PARD3: variants seen among roughly 807,000 people sequenced by gnomAD.
PARD3 encodes the protein par-3 family cell polarity regulator.
A neutral mutation model predicts 155.4 loss-of-function variants in PARD3; 75 were observed. The observed-to-expected ratio is 0.48, with a 90% confidence interval of 0.40 to 0.58. PARD3 has a LOEUF of 0.58. Ranked by LOEUF, PARD3 falls within the 20% of genes least tolerant of loss-of-function variation. PARD3 has a pLI of 0.00. For missense variants in PARD3, 1,642 were observed against 1,721.7 expected, an observed-to-expected ratio of 0.95 and a Z score of 0.82; for synonymous variants, 576 against 610.5, an observed-to-expected ratio of 0.94 and a Z score of 0.83.
intron 2 of PARD3, among the ~76,000 whole-genome samples, chr10:34,614,343 G>C (rs1184735700): frequency 1.3e-5 from 2 of 152,000 alleles, no homozygotes; most frequent in African/African-American, 4.8e-5. Context: ...AAAATATCAA[G>C]AAGTTCTCTA....
chr10:34,751,688 C>T (rs1836054164), intron 1 of PARD3, among the ~76,000 whole-genome samples: 1 of 151,958 alleles, frequency 6.6e-6, no homozygotes, highest in East Asian at 1.9e-4. Context: ...ACTGCAGCCT[C>T]GACTTCCCAG....
At chr10:34,752,289 A>G (rs1836145604) in intron 1 of PARD3, among the ~76,000 whole-genome samples, 2 of 151,750 alleles carry the variant, frequency 1.3e-5, no homozygotes, top group Admixed American at 1.3e-4. Context: ...AAAAAAAAAA[A>G]GTAAGATAAA....
chr10:34,399,375 C>A lies in PARD3; in HGVS notation c.845G>T (p.Gly282Val). ...VKLVEVPNDG[G>V]PLGIHVVPFS... ...AGGCACTACGTGGATTCCCAGAGGC[C>A]CTCCATCGTTGGGGACTTCTACGAG... The change falls in exon 7 of 25, where the codon GGG becomes GTG. Residue 282 changes from glycine to valine, a missense_variant. Transcript: ENST00000374788. 6.2e-7 allele frequency: 1 copy of A among 1,612,192 alleles called. No individual in the cohort carries two copies. The highest frequency in any genetic ancestry group is 8.5e-7 in the Non-Finnish European group (1 of 1,178,354).
chr10:34,546,054 T>A (rs77120493), intron 2 of PARD3, among the ~76,000 whole-genome samples: 1 of 152,214 alleles, frequency 6.6e-6, no homozygotes, highest in African/African-American at 2.4e-5. Flanking sequence ...CGTAAAAGTA[T>A]ACTTATAATA....
chr10:34,755,694 G>T (rs1836621364), intron 1 of PARD3, among the ~76,000 whole-genome samples: 1 of 152,090 alleles, frequency 6.6e-6, no homozygotes, highest in African/African-American at 2.4e-5. Flanking sequence ...GATACTCAAA[G>T]ATTTGGCATT....
At chr10:34,427,006 T>A (rs921773923) in intron 5 of PARD3, among the ~76,000 whole-genome samples, 5 of 152,256 alleles carry the variant, frequency 3.3e-5, no homozygotes, top group Admixed American at 3.3e-4. Flanking sequence ...TGATTTCCTA[T>A]GCCTGACTTT....
intron 22 of PARD3, among the ~76,000 whole-genome samples, chr10:34,251,096 C>T (rs1176033680): frequency 1.3e-5 from 2 of 152,140 alleles, no homozygotes; most frequent in African/African-American, 4.8e-5. Flanking sequence ...AAGACGCTTC[C>T]TAATTACAGA....
At chr10:34,163,731 C>T (rs1356762557) in intron 22 of PARD3, among the ~76,000 whole-genome samples, 2 of 152,170 alleles carry the variant, frequency 1.3e-5, no homozygotes, top group Non-Finnish European at 2.9e-5. Context: ...AGTTTGCAAA[C>T]CCTTCTGTCA....
chr10:34,423,178 A>AATG (rs2075408801), intron 5 of PARD3, among the ~76,000 whole-genome samples: 1 of 152,152 alleles, frequency 6.6e-6, no homozygotes, highest in African/African-American at 2.4e-5. Flanking sequence ...TGGCAACATG[A>AATG]ATGATAGTGG....
intron 12 of PARD3, 130 bp downstream of exon 12, chr10:34,372,368 A>T (rs1412607105): frequency 4.2e-6 from 3 of 714,594 alleles, no homozygotes; most frequent in Non-Finnish European, 7.4e-6. Flanking sequence ...TTTGGCATTT[A>T]ATAAACCCAT....
intron 1 of PARD3, among the ~76,000 whole-genome samples, chr10:34,779,201 G>A (rs1396577272): frequency 6.6e-6 from 1 of 152,198 alleles, no homozygotes; most frequent in Non-Finnish European, 1.5e-5. Context: ...AGGTACTCGG[G>A]AGGCTGAGGC....
chr10:34,682,961 T>C (rs1447792998), intron 2 of PARD3, among the ~76,000 whole-genome samples: 1 of 152,206 alleles, frequency 6.6e-6, no homozygotes, highest in Non-Finnish European at 1.5e-5. Flanking sequence ...GTGGTGGTGA[T>C]GGTGGCCGAC....
intron 24 of PARD3, among the ~76,000 whole-genome samples, chr10:34,117,654 G>A (rs1296134140): frequency 6.6e-6 from 1 of 152,196 alleles, no homozygotes; most frequent in Non-Finnish European, 1.5e-5. Flanking sequence ...GCTCACACCT[G>A]TAATCCCAGC....
intron 22 of PARD3, among the ~76,000 whole-genome samples, chr10:34,146,194 AGACT>A (rs1334207331): frequency 1.3e-5 from 2 of 152,224 alleles, no homozygotes; most frequent in Non-Finnish European, 2.9e-5. Flanking sequence ...CTCTAATGTT[AGACT>A]TTCTAATTTC....
At chr10:34,633,567 C>T (rs2092356892) in intron 2 of PARD3, among the ~76,000 whole-genome samples, 1 of 152,182 alleles carries the variant, frequency 6.6e-6, no homozygotes, top group Non-Finnish European at 1.5e-5. Context: ...TGTATACAGA[C>T]CATTTATCCA....
Position 34,708,697 on chromosome 10 carries a change from A to G in PARD3, c.121-12278T>C, listed in dbSNP as rs528546233. Among the ~76,000 whole-genome samples the G allele has an allele frequency of 5.3e-5, 8 of 152,310 alleles. No individual in the cohort carries two copies. In the East Asian group the frequency reaches 1.5e-3, roughly 29 times the overall value. The stretch of plus-strand genomic sequence containing the variant: ...TAGAAATTTTTCAAGAGAAAACGTT[A>G]AAAATATGTCATTAAAAAAATAACC... On this transcript the variant is annotated intron_variant, in intron 1 of 24. Transcript: ENST00000374788.
chr10:34,192,559 A>G (rs1950761252), intron 22 of PARD3, among the ~76,000 whole-genome samples: 2 of 152,146 alleles, frequency 1.3e-5, no homozygotes, highest in Admixed American at 1.3e-4. Context: ...TACTTAAACA[A>G]TAGGCTTCTA....
chr10:34,534,787 G>GA (rs1375600108), intron 2 of PARD3, among the ~76,000 whole-genome samples: 1 of 152,146 alleles, frequency 6.6e-6, no homozygotes, highest in African/African-American at 2.4e-5. Context: ...GAGGTTGGGG[G>GA]ATCACTTGAG....
chr10:34,658,145 CA>C (rs1165780902), intron 2 of PARD3, among the ~76,000 whole-genome samples: 3,214 of 101,560 alleles, frequency 0.032, 102 homozygotes, highest in African/African-American at 0.1. Context: ...GACTCCGTCT[CA>C]AAAAAAAAAA....
Sources: allele counts gnomAD v4.1 joint callset (sites outside exome capture counted in the v4.1 genomes callset), GRCh38; gene constraint gnomAD v4.1.1; transcripts MANE v1.5; gene names NCBI Gene and HGNC (gene_info 2026-07-23, HGNC 2026-07-21).